Variants in POU2F1 observed in about 807,000 individuals in gnomAD.
The protein encoded by POU2F1 is POU domain, class 2, transcription factor 1.
A neutral mutation model predicts 84.9 loss-of-function variants in POU2F1; 16 were observed. That is an observed-to-expected ratio of 0.19 (90% confidence interval 0.13 to 0.29). The LOEUF (loss-of-function observed/expected upper bound fraction) is 0.29, where lower values mean the gene tolerates loss of function less well. POU2F1 is among the 10% of genes least tolerant of loss of function. POU2F1 has a pLI of 1.00. For missense variants in POU2F1, 738 were observed against 942.6 expected (o/e 0.78, Z 2.84); for synonymous variants, 368 against 368.3 (o/e 1.00, Z 0.01).
chr1:167,228,253 G>A (rs1648787448), intron 1 of POU2F1, among the ~76,000 whole-genome samples: 1 of 152,190 alleles, frequency 6.6e-6, no homozygotes, highest in Non-Finnish European at 1.5e-5. Flanking sequence ...AGGGACTGAT[G>A]TGATAAAAAT....
intron 2 of POU2F1, among the ~76,000 whole-genome samples, chr1:167,336,906 T>C (rs984781184): frequency 6.6e-6 from 1 of 151,568 alleles, no homozygotes; most frequent in African/African-American, 2.4e-5. Flanking sequence ...TGGCTCATGC[T>C]TGTAATCCCA....
At chr1:167,315,828 AT>A (rs1655852902) in intron 1 of POU2F1, among the ~76,000 whole-genome samples, 1 of 152,008 alleles carries the variant, frequency 6.6e-6, no homozygotes, top group Non-Finnish European at 1.5e-5. Flanking sequence ...AAACCCTGAA[AT>A]TAAAAAACAA....
chr1:167,403,640 A>G (rs572454045), intron 13 of POU2F1, among the ~76,000 whole-genome samples: 41 of 152,270 alleles, frequency 2.7e-4, no homozygotes, highest in African/African-American at 9.6e-4. Flanking sequence ...TTTATTAAAG[A>G]CGGCCATTGT....
intron 13 of POU2F1, among the ~76,000 whole-genome samples, chr1:167,401,816 C>T (rs1649228570): frequency 6.6e-6 from 1 of 152,176 alleles, no homozygotes; most frequent in Non-Finnish European, 1.5e-5. Context: ...AGTCTTTTGC[C>T]TACGCACCCT....
intron 1 of POU2F1, among the ~76,000 whole-genome samples, chr1:167,288,224 A>G (rs952296962): frequency 1.3e-5 from 2 of 152,138 alleles, no homozygotes; most frequent in African/African-American, 2.4e-5. Context: ...TTATTTTATG[A>G]CCTTGGTACA....
At chr1:167,394,872 TGTA>T in intron 9 of POU2F1, among the ~76,000 whole-genome samples, 1 of 152,248 alleles carries the variant, frequency 6.6e-6, no homozygotes, top group East Asian at 1.9e-4. Flanking sequence ...TAATAAAAAA[TGTA>T]GTATTCAATG....
intron 1 of POU2F1, 149 bp downstream of exon 1, chr1:167,221,107 C>T (rs1571102682): frequency 3.8e-6 from 3 of 780,838 alleles, no homozygotes; most frequent in Non-Finnish European, 6.1e-6. Context: ...TGAGCCCCCG[C>T]CGGGCGCTGA....
At chr1:167,364,034 A>G (rs1438047274) in intron 2 of POU2F1, among the ~76,000 whole-genome samples, 1 of 152,164 alleles carries the variant, frequency 6.6e-6, no homozygotes, top group Non-Finnish European at 1.5e-5. Flanking sequence ...GAAGTGTAGA[A>G]CCATATCCAT....
At chr1:167,301,018 C>T (rs1338540691) in intron 1 of POU2F1, among the ~76,000 whole-genome samples, 1 of 152,222 alleles carries the variant, frequency 6.6e-6, no homozygotes, top group Non-Finnish European at 1.5e-5. Context: ...GATCCGCCTG[C>T]CTTGGCCTCC....
chr1:167,338,699 TAA>T (rs1465520061), intron 2 of POU2F1, among the ~76,000 whole-genome samples: 1 of 152,252 alleles, frequency 6.6e-6, no homozygotes, highest in Non-Finnish European at 1.5e-5. Context: ...CCACCTTTGG[TAA>T]AGTCTATTCT....
intron 2 of POU2F1, among the ~76,000 whole-genome samples, chr1:167,340,276 C>G (rs1657747828): frequency 6.6e-6 from 1 of 151,932 alleles, no homozygotes; most frequent in Non-Finnish European, 1.5e-5. Context: ...GATGGGGTTT[C>G]TTCATGTTGG....
chr1:167,226,310 G>C (rs1433009781), intron 1 of POU2F1, among the ~76,000 whole-genome samples: 1 of 152,046 alleles, frequency 6.6e-6, no homozygotes, highest in East Asian at 1.9e-4. Flanking sequence ...ACTTCTTACT[G>C]TGTTGCTTAA....
intron 1 of POU2F1, among the ~76,000 whole-genome samples, chr1:167,288,697 A>C (rs1653703138): frequency 6.6e-6 from 1 of 152,206 alleles, no homozygotes; most frequent in South Asian, 2.1e-4. Context: ...AACAACAGCA[A>C]CAACAAAAAA....
chr1:167,408,199 C>G (rs918913670), intron 13 of POU2F1, among the ~76,000 whole-genome samples: 4 of 152,156 alleles, frequency 2.6e-5, no homozygotes. Flanking sequence ...TTTGTACTCA[C>G]TAGAATGGCT....
At chr1:167,289,792 G>A (rs1653788184) in intron 1 of POU2F1, among the ~76,000 whole-genome samples, 1 of 152,178 alleles carries the variant, frequency 6.6e-6, no homozygotes, top group Non-Finnish European at 1.5e-5. Flanking sequence ...TTTGGTCTGA[G>A]ATGTTCATTT....
intron 1 of POU2F1, among the ~76,000 whole-genome samples, chr1:167,286,250 T>C (rs757498356): frequency 3.3e-5 from 5 of 152,228 alleles, no homozygotes; most frequent in Non-Finnish European, 7.3e-5. Context: ...TAGTTCATTC[T>C]CTTTAGCCTT....
intron 1 of POU2F1, among the ~76,000 whole-genome samples, chr1:167,278,209 C>T (rs1652872313): frequency 6.6e-6 from 1 of 152,196 alleles, no homozygotes. Flanking sequence ...TACTTCTCTG[C>T]TTAGTCAATT....
intron 2 of POU2F1, among the ~76,000 whole-genome samples, chr1:167,348,995 T>A (rs1238496351): frequency 1.3e-5 from 2 of 152,192 alleles, no homozygotes; most frequent in Non-Finnish European, 2.9e-5. Flanking sequence ...ACTTATTTAC[T>A]TGTCTGCCAC....
At chr1:167,285,751 T>A (rs1653485364) in intron 1 of POU2F1, among the ~76,000 whole-genome samples, 1 of 152,178 alleles carries the variant, frequency 6.6e-6, no homozygotes, top group Non-Finnish European at 1.5e-5. Context: ...GCTATTTAAT[T>A]TCTTTGTGCA....
Sources: allele counts gnomAD v4.1 joint callset (sites outside exome capture counted in the v4.1 genomes callset), GRCh38; gene constraint gnomAD v4.1.1; transcripts MANE v1.5; gene names NCBI Gene and HGNC (gene_info 2026-07-23, HGNC 2026-07-21).